The following RETREG1 variants were observed in gnomAD, a reference collection of about 807,000 sequenced individuals.
The protein encoded by RETREG1 is reticulophagy regulator 1, also known as family with sequence similarity 134 member B.
RETREG1 carries 44 observed loss-of-function variants against 54.8 expected under a neutral mutation model. The ratio of observed to expected loss-of-function variants is 0.80; its 90% confidence interval spans 0.63 to 1.03. The LOEUF (loss-of-function observed/expected upper bound fraction) is 1.03. RETREG1 is among the 50% of genes least tolerant of loss of function. RETREG1 has a pLI of 0.00. For missense variants in RETREG1, 554 were observed against 605.1 expected, an observed-to-expected ratio of 0.92 and a Z score of 0.89; for synonymous variants, 217 against 238.5, an observed-to-expected ratio of 0.91 and a Z score of 0.83.
intron 3 of RETREG1, among the ~76,000 whole-genome samples, chr5:16,527,775 C>T (rs1740759517): frequency 7.7e-6 from 1 of 129,136 alleles, no homozygotes; most frequent in South Asian, 2.6e-4. Flanking sequence ...CTGTCCATAG[C>T]TTAGTACAAT....
At chr5:16,480,677 A>T (rs1232731345) in intron 5 of RETREG1, among the ~76,000 whole-genome samples, 1 of 152,032 alleles carries the variant, frequency 6.6e-6, no homozygotes, top group African/African-American at 2.4e-5. Flanking sequence ...TGTGGTTTTA[A>T]TTATTTTTTT....
At position 16,481,108 on chromosome 5, in the gene RETREG1, A is replaced by G. The variant is rs1738753644; in HGVS notation, c.586-15T>C. The G allele has an allele frequency of 1.9e-6, 3 of 1,579,296 alleles. 1 individual carries two copies. In the South Asian group the frequency reaches 3.3e-5, roughly 17 times the overall value. ...AGGAGACAAAACTGGAAATAATAGA[A>G]ATAACATGGGATAGTTAAGCATAAC... On this transcript the variant is annotated splice_polypyrimidine_tract_variant and intron_variant, in intron 4 of 8. Transcript: ENST00000306320.
chr5:16,503,691 GAA>G (rs1739824874), intron 3 of RETREG1, among the ~76,000 whole-genome samples: 2 of 145,670 alleles, frequency 1.4e-5, no homozygotes, highest in South Asian at 4.3e-4. Flanking sequence ...AAGAAAGAAA[GAA>G]AAGAAAACTA....
intron 1 of RETREG1, among the ~76,000 whole-genome samples, chr5:16,578,128 C>T (rs1329413393): frequency 6.6e-6 from 1 of 152,158 alleles, no homozygotes; most frequent in Non-Finnish European, 1.5e-5. Context: ...CAGGTCGCCT[C>T]TCAGGTCTTT....
intron 1 of RETREG1, among the ~76,000 whole-genome samples, chr5:16,578,835 G>A (rs982840044): frequency 6.6e-6 from 1 of 152,196 alleles, no homozygotes; most frequent in Non-Finnish European, 1.5e-5. Context: ...CCTTCCCCCT[G>A]CAAAGCCAGG....
chr5:16,525,918 G>C lies in RETREG1; in HGVS notation c.458+39845C>G, dbSNP rs542226560. Among the ~76,000 whole-genome samples the C allele has an allele frequency of 1.8e-4, 27 of 152,334 alleles. No homozygotes were observed. The East Asian group carries it at 4.5e-3, about 25-fold the overall frequency. On this transcript the variant is annotated intron_variant, in intron 3 of 8. Transcript: ENST00000306320. ...TGAGTCTGAGGGAAGTCTGCAGACA[G>C]AATTCCTTCCTCTTCAAGGGACCTG...
intron 3 of RETREG1, among the ~76,000 whole-genome samples, chr5:16,545,266 ATACCT>A (rs1332861419): frequency 1.3e-5 from 2 of 152,066 alleles, no homozygotes; most frequent in African/African-American, 2.4e-5. Flanking sequence ...ATTCCTAACC[ATACCT>A]TTATTTTCCT....
intron 2 of RETREG1, among the ~76,000 whole-genome samples, chr5:16,569,846 G>C (rs764059321): frequency 1.3e-5 from 2 of 152,208 alleles, no homozygotes. Context: ...ACTTACAAGA[G>C]GAAGATGGAG....
At chr5:16,557,754 T>A (rs369108550) in intron 3 of RETREG1, among the ~76,000 whole-genome samples, 1 of 152,206 alleles carries the variant, frequency 6.6e-6, no homozygotes, top group Non-Finnish European at 1.5e-5. Flanking sequence ...AGCCAAAGAT[T>A]TACCCAAGCA....
chr5:16,515,858 C>CT, intron 3 of RETREG1, among the ~76,000 whole-genome samples: 1 of 152,094 alleles, frequency 6.6e-6, no homozygotes, highest in East Asian at 1.9e-4. Context: ...AAGAAAAACT[C>CT]TAAAAACCAT....
intron 3 of RETREG1, among the ~76,000 whole-genome samples, chr5:16,492,497 C>T (rs899647739): frequency 1.3e-5 from 2 of 151,324 alleles, no homozygotes; most frequent in African/African-American, 4.8e-5. Context: ...TTTGTTATAA[C>T]TCGTCACCTG....
intron 3 of RETREG1, among the ~76,000 whole-genome samples, chr5:16,530,231 A>G (rs1435254127): frequency 2.6e-5 from 4 of 152,130 alleles, no homozygotes; most frequent in Non-Finnish European, 4.4e-5. Context: ...ACTAAAGGGC[A>G]ATGTTTCTGG....
In RETREG1 at chr5:16,493,566, T is replaced by C. The variant is rs71595968; in HGVS notation, c.459-10094A>G. On this transcript the variant is annotated intron_variant, in intron 3 of 8. Transcript: ENST00000306320. ...CTCCTCAAGGAAAACAAAACTGTTA[T>C]TGTGAAGCAGGCTGGCTCATTTAGA... Among the ~76,000 whole-genome samples the C allele has an allele frequency of 3.4e-3, 521 of 152,298 alleles. 2 individuals are homozygous for C. The highest frequency in any genetic ancestry group is 7.2e-3 in the Admixed American group (110 of 15,282).
intron 3 of RETREG1, among the ~76,000 whole-genome samples, chr5:16,525,696 T>G (rs1241284882): frequency 2.6e-5 from 4 of 152,100 alleles, no homozygotes; most frequent in Non-Finnish European, 5.9e-5. Flanking sequence ...TCGGCAGCAC[T>G]GAATTCCTAG....
intron 3 of RETREG1, among the ~76,000 whole-genome samples, chr5:16,517,974 T>C (rs1177018632): frequency 6.6e-6 from 1 of 151,698 alleles, no homozygotes; most frequent in African/African-American, 2.4e-5. Flanking sequence ...GTTAGGAAAG[T>C]CTTTCCCTAA....
intron 1 of RETREG1, among the ~76,000 whole-genome samples, chr5:16,577,237 T>C (rs1373595055): frequency 1.3e-5 from 2 of 152,168 alleles, no homozygotes; most frequent in Non-Finnish European, 1.5e-5. Flanking sequence ...TGATCTTTTG[T>C]GTAGCCTATA....
At chr5:16,504,530 T>G (rs574509970) in intron 3 of RETREG1, among the ~76,000 whole-genome samples, 27 of 152,234 alleles carry the variant, frequency 1.8e-4, no homozygotes, top group African/African-American at 6.3e-4. Flanking sequence ...CCTATGTACC[T>G]CTCCCACTTC....
rs886060396 is a variant in RETREG1 at position 16,565,779 on chromosome 5, T to C, written c.442A>G (p.Arg148Gly). 6.2e-7 allele frequency: 1 copy of C among 1,613,884 alleles called. No individual in the cohort carries two copies. Among genetic ancestry groups the C allele is most frequent in the Non-Finnish European group, 8.5e-7 (1 of 1,180,006 alleles). ...LSRTRGAQLW[R>G]SLSESWEVIN... ...GTTCCCTACCTTTCACTGAGGCTTC[T>C]CCACAACTGTGCACCTGCAACAGGG... The change falls in exon 3 of 9, where the codon AGA becomes GGA. Residue 148 changes from arginine to glycine, a missense_variant. Physicochemically the swap from Arg to Gly is moderately radical, Grantham distance 125 (BLOSUM62 -2). Around this residue, in one of 4 missense-constraint regions of RETREG1, gnomAD observed 347 missense variants for 412.3 expected, o/e 0.84. Transcript: ENST00000306320.
chr5:16,545,771 T>C lies in RETREG1; in HGVS notation c.458+19992A>G, dbSNP rs543508743. Among the ~76,000 whole-genome samples, 4 of 152,234 alleles carry C rather than the reference T, an allele frequency of 2.6e-5. No homozygotes were observed. The East Asian group carries it at 7.7e-4, about 29-fold the overall frequency. Reference sequence around the variant, plus strand: ...AGATGCCCCAAGTCCAAATAATAATTCCTCCTTTGTTGATGCTAGACCGAG... The same window carrying C: ...AGATGCCCCAAGTCCAAATAATAATCCCTCCTTTGTTGATGCTAGACCGAG... On this transcript the variant is annotated intron_variant, in intron 3 of 8. Coordinates refer to ENST00000306320, the MANE Select transcript of RETREG1 (RefSeq NM_001034850.3).
Sources: allele counts gnomAD v4.1 joint callset (sites outside exome capture counted in the v4.1 genomes callset), GRCh38; gene constraint gnomAD v4.1.1; regional missense constraint gnomAD v4.1.1; transcripts MANE v1.5; gene names NCBI Gene and HGNC (gene_info 2026-07-23, HGNC 2026-07-21).